GRM7: variants seen among roughly 807,000 people sequenced by gnomAD.
The protein encoded by GRM7 is metabotropic glutamate receptor 7.
GRM7 carries 35 observed loss-of-function variants against 84.5 expected under a neutral mutation model. The ratio of observed to expected loss-of-function variants is 0.41; its 90% confidence interval spans 0.32 to 0.55. GRM7 has a LOEUF of 0.55. Ranked by LOEUF, GRM7 falls within the 20% of genes least tolerant of loss-of-function variation. GRM7 has a pLI of 0.19. For synonymous variants in GRM7, 487 were observed against 455.1 expected (o/e 1.07, Z -0.89); for missense variants, 1,003 against 1,194.6 (o/e 0.84, Z 2.36).
At chr3:6,876,791 G>A (rs1574956839) in intron 1 of GRM7, among the ~76,000 whole-genome samples, 1 of 151,756 alleles carries the variant, frequency 6.6e-6, no homozygotes, top group Non-Finnish European at 1.5e-5. Flanking sequence ...TAATAGAGAC[G>A]GGGTTTCACT....
At chr3:7,480,353 T>C (rs888953419) in intron 7 of GRM7, among the ~76,000 whole-genome samples, 22 of 152,080 alleles carry the variant, frequency 1.4e-4, no homozygotes, top group African/African-American at 5.3e-4. Context: ...GAGTGATATA[T>C]AGAAAAAGGA....
At chr3:7,390,178 G>A (rs566798240) in intron 4 of GRM7, among the ~76,000 whole-genome samples, 84 of 152,098 alleles carry the variant, frequency 5.5e-4, no homozygotes, top group South Asian at 1.9e-3. Context: ...CTAAAAATGC[G>A]CCCCCAATCT....
intron 2 of GRM7, among the ~76,000 whole-genome samples, chr3:7,291,978 G>A (rs945225145): frequency 1.3e-5 from 2 of 152,158 alleles, no homozygotes; most frequent in Admixed American, 6.5e-5. Context: ...AACCCATTTC[G>A]CTTGGTTCTC....
At chr3:7,383,272 T>C (rs17047247) in intron 4 of GRM7, among the ~76,000 whole-genome samples, 2,332 of 152,314 alleles carry the variant, frequency 0.015, 62 homozygotes, top group African/African-American at 0.054. Flanking sequence ...GTGCTCAGAC[T>C]ATTGAGTGGG....
intron 7 of GRM7, among the ~76,000 whole-genome samples, chr3:7,509,137 C>G (rs1374834151): frequency 6.6e-6 from 1 of 152,078 alleles, no homozygotes; most frequent in Admixed American, 6.6e-5. Context: ...ACCCATTCAT[C>G]ACTTAGTAAC....
intron 1 of GRM7, among the ~76,000 whole-genome samples, chr3:7,114,360 C>A (rs1176964498): frequency 2.0e-5 from 3 of 152,136 alleles, no homozygotes; most frequent in Non-Finnish European, 4.4e-5. Context: ...AAATAATAAT[C>A]ATTATAAAAT....
intron 7 of GRM7, among the ~76,000 whole-genome samples, chr3:7,516,250 G>A (rs1393790983): frequency 6.6e-6 from 1 of 150,978 alleles, no homozygotes; most frequent in East Asian, 2.0e-4. Context: ...AGCCGAGGCG[G>A]GCAGATCATA....
intron 1 of GRM7, among the ~76,000 whole-genome samples, chr3:7,041,880 G>A (rs1696631774): frequency 6.6e-6 from 1 of 152,162 alleles, no homozygotes; most frequent in African/African-American, 2.4e-5. Context: ...GGGCAAGGGG[G>A]CAGAAGTGTT....
intron 1 of GRM7, among the ~76,000 whole-genome samples, chr3:6,989,028 AT>A (rs1694535701): frequency 6.6e-6 from 1 of 152,152 alleles, no homozygotes; most frequent in South Asian, 2.1e-4. Flanking sequence ...TTAGGGTAGG[AT>A]TTCTTAAATC....
At chr3:7,630,426 G>T (rs1697814554) in intron 8 of GRM7, among the ~76,000 whole-genome samples, 1 of 152,204 alleles carries the variant, frequency 6.6e-6, no homozygotes, top group Admixed American at 6.5e-5. Context: ...TCAGGTGTCA[G>T]TGGTGACCTG....
chr3:7,550,413 TCTCC>T (rs372182578), intron 7 of GRM7, among the ~76,000 whole-genome samples: 3,069 of 138,814 alleles, frequency 0.022, 42 homozygotes, highest in Non-Finnish European at 0.029. Context: ...TTTCTCTCTC[TCTCC>T]CTCCCTCCCT....
intron 9 of GRM7, among the ~76,000 whole-genome samples, chr3:7,730,755 G>A (rs1484465353): frequency 6.6e-6 from 1 of 152,126 alleles, no homozygotes; most frequent in Non-Finnish European, 1.5e-5. Context: ...TCACAGCTTC[G>A]ATCTTTGATG....
At chr3:7,029,656 A>G (rs1004350660) in intron 1 of GRM7, among the ~76,000 whole-genome samples, 7 of 152,226 alleles carry the variant, frequency 4.6e-5, no homozygotes, top group African/African-American at 1.7e-4. Flanking sequence ...AGAGTGGTCA[A>G]ATTCATAGTG....
chr3:6,877,378 T>A (rs1172718134), intron 1 of GRM7, among the ~76,000 whole-genome samples: 1 of 152,234 alleles, frequency 6.6e-6, no homozygotes, highest in Non-Finnish European at 1.5e-5. Flanking sequence ...GGATTGATGA[T>A]AAAATAGCTT....
intron 1 of GRM7, among the ~76,000 whole-genome samples, chr3:6,992,133 T>C (rs951598871): frequency 6.6e-6 from 1 of 152,220 alleles, no homozygotes; most frequent in Admixed American, 6.5e-5. Context: ...GGTGCTGTAA[T>C]CTCAAAAGTA....
At chr3:6,997,760 G>A (rs148038067) in intron 1 of GRM7, among the ~76,000 whole-genome samples, 86 of 152,150 alleles carry the variant, frequency 5.7e-4, no homozygotes, top group African/African-American at 1.5e-3. Context: ...ACTCATTCCA[G>A]CATTCGTCCA....
At chr3:6,878,857 C>T (rs560686611) in intron 1 of GRM7, among the ~76,000 whole-genome samples, 1 of 152,298 alleles carries the variant, frequency 6.6e-6, no homozygotes, top group African/African-American at 2.4e-5. Flanking sequence ...TTGTTGGGCT[C>T]CACCCTCAGA....
At chr3:6,964,924 T>C (rs1209363504) in intron 1 of GRM7, among the ~76,000 whole-genome samples, 1 of 152,212 alleles carries the variant, frequency 6.6e-6, no homozygotes, top group East Asian at 1.9e-4. Flanking sequence ...GAATTTATGT[T>C]TGATAATTGA....
intron 7 of GRM7, among the ~76,000 whole-genome samples, chr3:7,557,518 C>T (rs1194439088): frequency 6.6e-6 from 1 of 152,106 alleles, no homozygotes; most frequent in Admixed American, 6.6e-5. Context: ...TTATCATCCT[C>T]CATGTTTTGA....
Sources: gnomAD v4.1 joint callset for allele counts (sites outside exome capture counted in the v4.1 genomes callset) on GRCh38, gnomAD v4.1.1 for gene constraint, MANE v1.5 for transcripts, NCBI Gene and HGNC (gene_info 2026-07-23, HGNC 2026-07-21) for gene names.